Variants in CNTN4 observed in about 807,000 individuals in gnomAD.
The protein encoded by CNTN4 is contactin 4.
A neutral mutation model predicts 122.5 loss-of-function variants in CNTN4; 77 were observed. The ratio of observed to expected loss-of-function variants is 0.63; its 90% CI spans 0.52 to 0.76. The LOEUF is 0.76. Among genes scored for constraint, CNTN4 ranks in the 30% least tolerant of loss-of-function variants. The pLI is 0.00. For missense variants in CNTN4, 1,256 were observed against 1,259.1 expected (o/e 1.00, Z 0.04); for synonymous variants, 512 against 447.0 (o/e 1.15, Z -1.83).
intron 2 of CNTN4, among the ~76,000 whole-genome samples, chr3:2,167,221 T>C (rs1215972871): frequency 6.6e-6 from 1 of 152,136 alleles, no homozygotes; most frequent in Non-Finnish European, 1.5e-5. Context: ...ATTGGAAAGT[T>C]TTTCACTATT....
chr3:3,016,287 T>C (rs1394429616), intron 14 of CNTN4, among the ~76,000 whole-genome samples: 1 of 152,156 alleles, frequency 6.6e-6, no homozygotes, highest in Non-Finnish European at 1.5e-5. Flanking sequence ...AAAAAGAAAA[T>C]GTGAGAGGGC....
intron 2 of CNTN4, among the ~76,000 whole-genome samples, chr3:2,283,807 A>C (rs2041809786): frequency 6.6e-6 from 1 of 152,106 alleles, no homozygotes; most frequent in South Asian, 2.1e-4. Context: ...TTGGTATGTA[A>C]GGTTTAGTTT....
chr3:2,628,105 G>A (rs1246318764), intron 4 of CNTN4, among the ~76,000 whole-genome samples: 1 of 152,160 alleles, frequency 6.6e-6, no homozygotes, highest in African/African-American at 2.4e-5. Context: ...GCCTCCATTA[G>A]TTGTCACCCC....
intron 3 of CNTN4, among the ~76,000 whole-genome samples, chr3:2,347,082 T>C (rs1559473480): frequency 6.6e-6 from 1 of 152,212 alleles, no homozygotes; most frequent in Non-Finnish European, 1.5e-5. Context: ...AAATTTGTTG[T>C]TCATCAGTGT....
chr3:2,373,194 C>T (rs942454152), intron 3 of CNTN4, among the ~76,000 whole-genome samples: 1 of 152,202 alleles, frequency 6.6e-6, no homozygotes, highest in Non-Finnish European at 1.5e-5. Context: ...ATTACAGATT[C>T]AGTGATGACT....
chr3:2,941,396 G>A (rs754523477), intron 13 of CNTN4, among the ~76,000 whole-genome samples: 5 of 152,116 alleles, frequency 3.3e-5, no homozygotes, highest in Non-Finnish European at 7.4e-5. Context: ...CCTGAGCAAT[G>A]TATGGTTAAC....
At chr3:2,395,193 C>A (rs1023245312) in intron 3 of CNTN4, among the ~76,000 whole-genome samples, 2 of 152,066 alleles carry the variant, frequency 1.3e-5, no homozygotes, top group African/African-American at 4.8e-5. Context: ...GAATATGATG[C>A]AGTGGTTAAA....
intron 6 of CNTN4, among the ~76,000 whole-genome samples, chr3:2,818,704 ATTTAC>A (rs577832977): frequency 9.2e-5 from 14 of 152,266 alleles, no homozygotes; most frequent in East Asian, 3.9e-4. Context: ...GTAACTGCCT[ATTTAC>A]TTATACTGTG....
intron 4 of CNTN4, among the ~76,000 whole-genome samples, chr3:2,656,268 A>G: frequency 6.6e-6 from 1 of 152,252 alleles, no homozygotes; most frequent in Non-Finnish European, 1.5e-5. Flanking sequence ...TCAAAGTCCA[A>G]GAAATTCAGA....
intron 3 of CNTN4, among the ~76,000 whole-genome samples, chr3:2,473,910 G>C (rs1360757809): frequency 6.6e-6 from 1 of 151,962 alleles, no homozygotes; most frequent in Non-Finnish European, 1.5e-5. Context: ...TACTCGGGAG[G>C]CTGAGGCAGG....
At chr3:2,167,887 G>T (rs1458486189) in intron 2 of CNTN4, among the ~76,000 whole-genome samples, 1 of 152,108 alleles carries the variant, frequency 6.6e-6, no homozygotes, top group African/African-American at 2.4e-5. Flanking sequence ...CAGGCATGGT[G>T]GCTTATGCCT....
intron 2 of CNTN4, among the ~76,000 whole-genome samples, chr3:2,131,882 A>G (rs1248509490): frequency 6.6e-6 from 1 of 152,146 alleles, no homozygotes; most frequent in African/African-American, 2.4e-5. Context: ...GTAATCTGAG[A>G]GCAACAGTAC....
intron 3 of CNTN4, among the ~76,000 whole-genome samples, chr3:2,551,534 A>G (rs1245923451): frequency 6.6e-6 from 1 of 152,068 alleles, no homozygotes; most frequent in Non-Finnish European, 1.5e-5. Context: ...GAATGGAATG[A>G]TTTTCATCAC....
chr3:2,809,788 A>G (rs1334711807), intron 6 of CNTN4, among the ~76,000 whole-genome samples: 2 of 152,196 alleles, frequency 1.3e-5, no homozygotes, highest in Admixed American at 6.5e-5. Flanking sequence ...CATGAGTTAG[A>G]TAGGTGTACT....
At chr3:2,225,082 A>G (rs528496544) in intron 2 of CNTN4, among the ~76,000 whole-genome samples, 51 of 150,412 alleles carry the variant, frequency 3.4e-4, no homozygotes, top group African/African-American at 4.2e-4. Context: ...CCCGGGAGGT[A>G]GAGCTTGCAA....
At chr3:2,728,150 C>G (rs932151633) in intron 4 of CNTN4, among the ~76,000 whole-genome samples, 3 of 152,132 alleles carry the variant, frequency 2.0e-5, no homozygotes, top group African/African-American at 7.2e-5. Flanking sequence ...ATCATCATTT[C>G]TACAATCAGT....
At chr3:2,835,099 G>T (rs1368151425) in intron 7 of CNTN4, among the ~76,000 whole-genome samples, 1 of 151,244 alleles carries the variant, frequency 6.6e-6, no homozygotes, top group Non-Finnish European at 1.5e-5. Context: ...TAGAGGCGGG[G>T]TTTCACCGTG....
chr3:2,680,847 T>A (rs937346608), intron 4 of CNTN4, among the ~76,000 whole-genome samples: 11 of 152,232 alleles, frequency 7.2e-5, no homozygotes, highest in African/African-American at 2.7e-4. Context: ...AATTTACTAA[T>A]ACTAATTCTC....
chr3:3,028,848 T>G (rs930634095), intron 15 of CNTN4, among the ~76,000 whole-genome samples: 1 of 151,798 alleles, frequency 6.6e-6, no homozygotes, highest in African/African-American at 2.4e-5. Flanking sequence ...ATGGGTCTAC[T>G]TATATGTGGA....
Sources: allele counts gnomAD v4.1 joint callset (sites outside exome capture counted in the v4.1 genomes callset), GRCh38; gene constraint gnomAD v4.1.1; transcripts MANE v1.5; gene names NCBI Gene and HGNC (gene_info 2026-07-23, HGNC 2026-07-21).